GPR62: variants seen among roughly 807,000 people sequenced by gnomAD.
GPR62 encodes G protein-coupled receptor 62.
For synonymous variants in GPR62, 280 were observed against 286.9 expected, an observed-to-expected ratio of 0.98 and a Z score of 0.24; for missense variants, 513 against 541.5, an observed-to-expected ratio of 0.95 and a Z score of 0.52.
Position 51,955,729 on chromosome 3 carries a change from T to G in GPR62, c.77T>G (p.Val26Gly). 6.2e-7 allele frequency: 1 copy of G among 1,606,814 alleles called. No individual in the cohort carries two copies. Among genetic ancestry groups the G allele is most frequent in the Non-Finnish European group, 8.5e-7 (1 of 1,176,924 alleles). Reference sequence around the variant, plus strand: ...TTGATCCTGGCAGCTGTCGTGGAGGTGGGGGCACTGCTGGGCAACGGCGCG... The same window carrying G: ...TTGATCCTGGCAGCTGTCGTGGAGGGGGGGGCACTGCTGGGCAACGGCGCG... ...LGLILAAVVE[V>G]GALLGNGALL... The change falls in exon 1 of 1, where the codon GTG (valine) becomes GGG (glycine). Residue 26 changes from valine to glycine, a missense_variant. Physicochemically the swap from Val to Gly is moderately radical, Grantham distance 109. Transcript: ENST00000322241.
rs1359674394 is a variant in GPR62, at chr3:51,956,511, C to G, written c.859C>G (p.Pro287Ala). ...WVAYSAFAAHPFLYGLLQRPV... is the reference protein window; with the variant it reads ...WVAYSAFAAHAFLYGLLQRPV... Reference sequence around the variant, plus strand: ...CGCCTACTCGGCCTTCGCGGCTCACCCCTTCCTGTACGGGCTGCTGCAGCG... The same window carrying G: ...CGCCTACTCGGCCTTCGCGGCTCACGCCTTCCTGTACGGGCTGCTGCAGCG... Residue 287 changes from proline to alanine, a missense_variant, in exon 1 of 1, where the codon CCC becomes GCC. Transcript: ENST00000322241. 1.3e-6 allele frequency: 2 copies of G among 1,599,164 alleles called. No individual in the cohort carries two copies. The highest frequency in any genetic ancestry group is 1.7e-6 in the Non-Finnish European group (2 of 1,174,764).
chr3:51,955,727 G>A lies in GPR62; in HGVS notation c.75G>A (p.Glu25=). Reference sequence around the variant, plus strand: ...GGTTGATCCTGGCAGCTGTCGTGGAGGTGGGGGCACTGCTGGGCAACGGCG... The same window carrying A: ...GGTTGATCCTGGCAGCTGTCGTGGAAGTGGGGGCACTGCTGGGCAACGGCG... ...SLGLILAAVV[E]VGALLGNGAL... Residue 25 remains glutamate, a synonymous_variant, in exon 1 of 1, where the codon GAG becomes GAA. Transcript: ENST00000322241. The A allele has an allele frequency of 4.4e-6, 7 of 1,608,886 alleles. No individual in the cohort carries two copies. Among genetic ancestry groups the A allele is most frequent in the Non-Finnish European group, 5.9e-6 (7 of 1,177,746 alleles).
In GPR62 at chr3:51,956,940, T is replaced by C; in HGVS notation, c.*181T>C. 8.9e-7 allele frequency: 1 copy of C among 1,122,564 alleles called. No homozygotes were observed. The highest frequency in any genetic ancestry group is 1.2e-6 in the Non-Finnish European group (1 of 815,402). The allele number at this position is 1,122,564 out of a possible 1,614,324, so 69.5% of individuals were successfully genotyped here. ...GTCTGGGCCCAACACTGCATAGCACTGTGCATAGGCCGACCCTTCCTTAGG... is the reference window on the plus strand; with the variant it reads ...GTCTGGGCCCAACACTGCATAGCACCGTGCATAGGCCGACCCTTCCTTAGG... On this transcript the variant is annotated 3_prime_UTR_variant, in exon 1 of 1. Coordinates refer to ENST00000322241, the MANE Select transcript of GPR62 (RefSeq NM_080865.4).
chr3:51,955,909 C>T lies in GPR62; in HGVS notation c.257C>T (p.Ala86Val). ...PGLGRVRLGP[A>V]PCRAARFLSA... Reference sequence around the variant, plus strand: ...CTGGGCCGCGTGCGCCTGGGCCCCGCGCCATGCCGCGCCGCTCGCTTCCTC... The same window carrying T: ...CTGGGCCGCGTGCGCCTGGGCCCCGTGCCATGCCGCGCCGCTCGCTTCCTC... Residue 86 changes from alanine (A) to valine (V), a missense_variant, in exon 1 of 1, where the codon GCG becomes GTG. Ala to Val is a moderately conservative substitution (Grantham distance 64). Coordinates refer to ENST00000322241, the MANE Select transcript of GPR62 (RefSeq NM_080865.4). 7.6e-7 allele frequency: 1 copy of T among 1,319,174 alleles called. No individual in the cohort carries two copies. The highest frequency in any genetic ancestry group is 9.6e-7 in the Non-Finnish European group (1 of 1,040,054). 81.7% of individuals were successfully genotyped at this position (1,319,174 alleles called of 1,614,324 possible).
In GPR62 at chr3:51,957,444, A is replaced by G. The variant is rs1440193834; in HGVS notation, c.*685A>G. ...AGGTTTTGCTGCCCACAACACCAGT[A>G]TTTCACAACTTCCTGGTCGCTGAGA... On this transcript the variant is annotated 3_prime_UTR_variant, in exon 1 of 1. Coordinates refer to ENST00000322241, the MANE Select transcript of GPR62 (RefSeq NM_080865.4). 1.2e-5 allele frequency: 2 copies of G among 167,218 alleles called. No individual in the cohort carries two copies. Among genetic ancestry groups the G allele is most frequent in the Admixed American group, 1.3e-4 (2 of 15,296 alleles). The allele number at this position is 167,218 out of a possible 1,614,324, so 10.4% of individuals were successfully genotyped here. A position where few individuals can be genotyped will look rare whatever the true frequency, so the allele number is the denominator to read the frequency against.
In GPR62 at chr3:51,956,045, C is replaced by G; in HGVS notation, c.393C>G (p.Leu131=). 1 of 1,432,156 alleles carries G rather than the reference C, an allele frequency of 7.0e-7. No homozygotes were observed. Among genetic ancestry groups the G allele is most frequent in the Admixed American group, 2.8e-5 (1 of 36,164 alleles). The allele number at this position is 1,432,156 out of a possible 1,614,324, so 88.7% of individuals were successfully genotyped here. A position where few individuals can be genotyped will look rare whatever the true frequency, so the allele number is the denominator to read the frequency against. The change falls in exon 1 of 1, where the codon CTC becomes CTG. Residue 131 remains leucine (L), a synonymous_variant. Transcript: ENST00000322241. The stretch of plus-strand genomic sequence containing the variant: ...CAGGCTCGCGGCCGCCGCCTGTGCT[C>G]GTGCTCACCGCCGTGTGGGCCGCGG... The part of the protein sequence containing the change: ...LRPGSRPPPV[L]VLTAVWAAAG...
At position 51,956,064 on chromosome 3, in the gene GPR62, G is replaced by A; in HGVS notation, c.412G>A (p.Ala138Thr). The A allele has an allele frequency of 7.0e-7, 1 of 1,421,714 alleles. No individual in the cohort carries two copies. The highest frequency in any genetic ancestry group is 9.1e-7 in the Non-Finnish European group (1 of 1,093,892). The allele number at this position is 1,421,714 out of a possible 1,614,324, so 88.1% of individuals were successfully genotyped here. A position where few individuals can be genotyped will look rare whatever the true frequency, so the allele number is the denominator to read the frequency against. ...PPVLVLTAVW[A>T]AAGLLGALSL... ...TGTGCTCGTGCTCACCGCCGTGTGGGCCGCGGCGGGACTGCTGGGCGCGCT... is the reference window on the plus strand; with the variant it reads ...TGTGCTCGTGCTCACCGCCGTGTGGACCGCGGCGGGACTGCTGGGCGCGCT... The change falls in exon 1 of 1, where the codon GCC becomes ACC. Residue 138 changes from alanine (A) to threonine (T), a missense_variant. Ala to Thr is a moderately conservative substitution (Grantham distance 58, BLOSUM62 0). Coordinates refer to ENST00000322241, the MANE Select transcript of GPR62 (RefSeq NM_080865.4).
In GPR62 at chr3:51,956,383, C is replaced by A. The variant is rs867381152; in HGVS notation, c.731C>A (p.Ala244Glu). 6.5e-7 allele frequency: 1 copy of A among 1,531,492 alleles called. No individual in the cohort carries two copies. The highest frequency in any genetic ancestry group is 8.7e-7 in the Non-Finnish European group (1 of 1,147,656). 94.9% of individuals were successfully genotyped at this position (1,531,492 alleles called of 1,614,324 possible). A position where few individuals can be genotyped will look rare whatever the true frequency, so the allele number is the denominator to read the frequency against. Residue 244 changes from alanine (A) to glutamate (E), a missense_variant, in exon 1 of 1, where the codon GCG (alanine) becomes GAG (glutamate). By Grantham distance (107) the Ala-to-Glu change is moderately radical (BLOSUM62 -1). Transcript: ENST00000322241. ...GGGGGCAAGGCGGCCCTGGCCCCAGCGCTGGCCGTGGGCCAATTTGCAGCC... is the reference window on the plus strand; with the variant it reads ...GGGGGCAAGGCGGCCCTGGCCCCAGAGCTGGCCGTGGGCCAATTTGCAGCC... Reference protein sequence around the residue: ...LPGGKAALAPALAVGQFAACW... With the variant: ...LPGGKAALAPELAVGQFAACW...
In GPR62 at chr3:51,955,984, T is replaced by C. The variant is rs1298106229; in HGVS notation, c.332T>C (p.Leu111Pro). Reference sequence around the variant, plus strand: ...ACGCTCGGGGTGGCCGCACTTGGCCTGGCACGCTACCGCCTCATCGTGCAC... The same window carrying C: ...ACGCTCGGGGTGGCCGCACTTGGCCCGGCACGCTACCGCCTCATCGTGCAC... ...ACTLGVAALG[L>P]ARYRLIVHPL... is the part of the protein sequence containing the mutation. Residue 111 changes from leucine (L) to proline (P), a missense_variant, in exon 1 of 1, where the codon CTG (leucine) becomes CCG (proline). Coordinates refer to ENST00000322241, the MANE Select transcript of GPR62 (RefSeq NM_080865.4). The C allele has an allele frequency of 1.4e-6, 2 of 1,431,790 alleles. No individual in the cohort carries two copies. Among genetic ancestry groups the C allele is most frequent in the East Asian group, 3.2e-5 (1 of 30,934 alleles). 88.7% of individuals were successfully genotyped at this position (1,431,790 alleles called of 1,614,324 possible). A position where few individuals can be genotyped will look rare whatever the true frequency, so the allele number is the denominator to read the frequency against.
In GPR62 at chr3:51,956,084, C is replaced by T. The variant is rs1306623612; in HGVS notation, c.432C>T (p.Gly144=). The change falls in exon 1 of 1, where the codon GGC becomes GGT. Residue 144 remains glycine (G), a synonymous_variant. Coordinates refer to ENST00000322241, the MANE Select transcript of GPR62 (RefSeq NM_080865.4). ...TGTGGGCCGCGGCGGGACTGCTGGG[C>T]GCGCTCTCCCTGCTCGGCACGCCGC... is the stretch of plus-strand genomic sequence containing the variant. The part of the protein sequence containing the change: ...TAVWAAAGLL[G]ALSLLGTPPA... 2.8e-6 allele frequency: 4 copies of T among 1,429,706 alleles called. No homozygotes were observed. Among genetic ancestry groups the T allele is most frequent in the Non-Finnish European group, 3.6e-6 (4 of 1,097,396 alleles). 88.6% of individuals were successfully genotyped at this position (1,429,706 alleles called of 1,614,324 possible).
Position 51,956,333 on chromosome 3 carries a change from G to A in GPR62, c.681G>A (p.Leu227=), listed in dbSNP as rs750484348. ...SDSLDSRLSI[L]PPLRPRLPGG... ...CTCTGGATAGCCGCCTTTCCATCTT[G>A]CCGCCGCTCCGGCCTCGCCTGCCCG... is the stretch of plus-strand genomic sequence containing the variant. Residue 227 remains leucine (L), a synonymous_variant, in exon 1 of 1, where the codon TTG becomes TTA. Coordinates refer to ENST00000322241, the MANE Select transcript of GPR62 (RefSeq NM_080865.4). 3.2e-6 allele frequency: 5 copies of A among 1,560,982 alleles called. No individual in the cohort carries two copies. Among genetic ancestry groups the A allele is most frequent in the Non-Finnish European group, 4.3e-6 (5 of 1,163,718 alleles).
rs1699857878 is a variant in GPR62, at chr3:51,956,752, T to C, written c.1100T>C (p.Leu367Pro). ...TACCAGGGGCCACCTGAGAGTTCTC[T>C]CTCCTGAGCAGGAGAAAGGAGGGTG... is the stretch of plus-strand genomic sequence containing the variant. ...PAYQGPPESS[L>P]S is the part of the protein sequence containing the mutation. The change falls in exon 1 of 1, where the codon CTC becomes CCC. Residue 367 changes from leucine (L) to proline (P), a missense_variant. Transcript: ENST00000322241. 3 of 1,601,298 alleles carry C rather than the reference T, an allele frequency of 1.9e-6. No homozygotes were observed. The Admixed American group carries it at 5.2e-5, about 28-fold the overall frequency.
Position 51,955,759 on chromosome 3 carries a change from T to G in GPR62, c.107T>G (p.Leu36Arg). Residue 36 changes from leucine (L) to arginine (R), a missense_variant, in exon 1 of 1, where the codon CTG (leucine) becomes CGG (arginine). Leu to Arg is a moderately radical substitution (Grantham distance 102, BLOSUM62 -2). Transcript: ENST00000322241. The part of the protein sequence containing the change: ...VGALLGNGAL[L>R]VVVLRTPGLR... Reference sequence around the variant, plus strand: ...GCACTGCTGGGCAACGGCGCGCTGCTGGTCGTGGTGCTGCGCACGCCGGGA... The same window carrying G: ...GCACTGCTGGGCAACGGCGCGCTGCGGGTCGTGGTGCTGCGCACGCCGGGA... 3.1e-6 allele frequency: 5 copies of G among 1,603,884 alleles called. No homozygotes were observed. The highest frequency in any genetic ancestry group is 4.3e-6 in the Non-Finnish European group (5 of 1,175,616).
In GPR62 at chr3:51,956,714, G is replaced by A; in HGVS notation, c.1062G>A (p.Gly354=). The part of the protein sequence containing the change: ...APEQTPELAG[G]RSPAYQGPPE... ...AACAGACCCCCGAGTTGGCAGGAGGGCGGAGCCCCGCATACCAGGGGCCAC... is the reference window on the plus strand; with the variant it reads ...AACAGACCCCCGAGTTGGCAGGAGGACGGAGCCCCGCATACCAGGGGCCAC... Residue 354 remains glycine (G), a synonymous_variant, in exon 1 of 1, where the codon GGG becomes GGA. Transcript: ENST00000322241. 6.2e-7 allele frequency: 1 copy of A among 1,611,838 alleles called. No individual in the cohort carries two copies. Among genetic ancestry groups the A allele is most frequent in the Non-Finnish European group, 8.5e-7 (1 of 1,179,508 alleles).
rs780759121 is a variant in GPR62 at position 51,955,649 on chromosome 3, C to T, written c.-4C>T. ...CCAGCGCAGGGTGAAGCCTGAGAGCCCAAATGGCCAACTCCACAGGGCTGA... is the reference window on the plus strand; with the variant it reads ...CCAGCGCAGGGTGAAGCCTGAGAGCTCAAATGGCCAACTCCACAGGGCTGA... On this transcript the variant is annotated 5_prime_UTR_variant, in exon 1 of 1. Coordinates refer to ENST00000322241, the MANE Select transcript of GPR62 (RefSeq NM_080865.4). 6.3e-7 allele frequency: 1 copy of T among 1,586,126 alleles called. No homozygotes were observed. Among genetic ancestry groups the T allele is most frequent in the East Asian group, 2.4e-5 (1 of 42,288 alleles).
In GPR62 at chr3:51,957,333, G is replaced by C. The variant is rs1399122447; in HGVS notation, c.*574G>C. The C allele has an allele frequency of 1.8e-5, 3 of 167,576 alleles. No homozygotes were observed. Among genetic ancestry groups the C allele is most frequent in the Admixed American group, 1.3e-4 (2 of 15,306 alleles). The allele number at this position is 167,576 out of a possible 1,614,324, so 10.4% of individuals were successfully genotyped here. On this transcript the variant is annotated 3_prime_UTR_variant, in exon 1 of 1. Transcript: ENST00000322241. ...AAAGGGTCCTGAAGCCCCAGAACTGGCATGTGGAAGGGGCTGAGGCCTAAT... is the reference window on the plus strand; with the variant it reads ...AAAGGGTCCTGAAGCCCCAGAACTGCCATGTGGAAGGGGCTGAGGCCTAAT...
Position 51,956,293 on chromosome 3 carries a change from G to T in GPR62, c.641G>T (p.Arg214Leu). The T allele has an allele frequency of 6.4e-7, 1 of 1,567,056 alleles. No individual in the cohort carries two copies. Among genetic ancestry groups the T allele is most frequent in the Non-Finnish European group, 8.6e-7 (1 of 1,167,766 alleles). Reference protein sequence around the residue: ...LRPPRPARGSRLHSDSLDSRL... With the variant: ...LRPPRPARGSLLHSDSLDSRL... ...CCCCCACGGCCGGCGCGCGGGTCCC[G>T]ACTCCACTCGGACTCTCTGGATAGC... The change falls in exon 1 of 1, where the codon CGA (arginine) becomes CTA (leucine). Residue 214 changes from arginine to leucine, a missense_variant. Coordinates refer to ENST00000322241, the MANE Select transcript of GPR62 (RefSeq NM_080865.4).
rs1242126824 is a variant in GPR62, at chr3:51,957,239, T to A, written c.*480T>A. On this transcript the variant is annotated 3_prime_UTR_variant, in exon 1 of 1. Transcript: ENST00000322241. Reference sequence around the variant, plus strand: ...AGCTACTGAAACTCCTCCACCTGCTTCTAAAATGCCCAGAAGACAACTGGA... The same window carrying A: ...AGCTACTGAAACTCCTCCACCTGCTACTAAAATGCCCAGAAGACAACTGGA... 5.8e-6 allele frequency: 1 copy of A among 172,238 alleles called. No individual in the cohort carries two copies. The highest frequency in any genetic ancestry group is 1.4e-5 in the Non-Finnish European group (1 of 72,032). The allele number at this position is 172,238 out of a possible 1,614,324, so 10.7% of individuals were successfully genotyped here.
Position 51,955,459 on chromosome 3 carries a change from C to T in GPR62, c.-194C>T, listed in dbSNP as rs989993675. The T allele has an allele frequency of 9.5e-6, 5 of 523,566 alleles. No individual in the cohort carries two copies. The highest frequency in any genetic ancestry group is 4.0e-5 in the African/African-American group (2 of 49,590). 32.4% of individuals were successfully genotyped at this position (523,566 alleles called of 1,614,324 possible). On this transcript the variant is annotated 5_prime_UTR_variant, in exon 1 of 1. Transcript: ENST00000322241. ...AAAGACAGCAGACTCATCCTTGCAC[C>T]CCTCCATGGGCCTGGCCAAGCCCCC...
Sources: allele counts gnomAD v4.1 joint callset, GRCh38; gene constraint gnomAD v4.1.1; transcripts MANE v1.5; gene names NCBI Gene and HGNC (gene_info 2026-07-23, HGNC 2026-07-21).